The following EPHB2 variants were observed in gnomAD, a reference collection of about 807,000 sequenced individuals.
EPHB2 encodes ephrin type-B receptor 2.
A neutral mutation model predicts 96.4 loss-of-function variants in EPHB2; 18 were observed. That is an observed-to-expected ratio of 0.19 (90% CI 0.13 to 0.28). The LOEUF (loss-of-function observed/expected upper bound fraction) is 0.28. EPHB2 is among the 10% of genes least tolerant of loss of function. The pLI is 1.00. For synonymous variants in EPHB2, 506 were observed against 534.1 expected (o/e 0.95, Z 0.72); for missense variants, 989 against 1,355.4 (o/e 0.73, Z 4.25).
chr1:22,912,143 G>A (rs1023674620), intron 14 of EPHB2, among the ~76,000 whole-genome samples: 3 of 152,064 alleles, frequency 2.0e-5, no homozygotes, highest in Non-Finnish European at 2.9e-5. Flanking sequence ...CCTCACTTCC[G>A]AGGTCCAGCC....
intron 1 of EPHB2, among the ~76,000 whole-genome samples, chr1:22,738,494 G>T (rs1475002809): frequency 6.6e-6 from 1 of 152,186 alleles, no homozygotes; most frequent in African/African-American, 2.4e-5. Context: ...CCACATTGCA[G>T]ATGAGAAAAC....
chr1:22,770,286 C>T lies in EPHB2; in HGVS notation c.62-11135C>T, dbSNP rs112585834. 1.8e-3 allele frequency among the ~76,000 whole-genome samples: 267 copies of T among 152,082 alleles called. 3 individuals carry two copies. The highest frequency in any genetic ancestry group is 6.0e-3 in the African/African-American group (248 of 41,480). On this transcript the variant is annotated intron_variant, in intron 1 of 15. Transcript: ENST00000374630. ...TTGGAAAGATAGATGGATGAGTGGG[C>T]GTATGGGTCAATGGGTGAATGAATA... is the stretch of plus-strand genomic sequence containing the variant.
intron 1 of EPHB2, among the ~76,000 whole-genome samples, chr1:22,777,800 G>T (rs922081032): frequency 6.6e-5 from 10 of 152,190 alleles, no homozygotes; most frequent in Non-Finnish European, 1.0e-4. Flanking sequence ...GGGGCACCTA[G>T]TAAGCCCAAA....
chr1:22,912,329 C>T lies in EPHB2; in HGVS notation c.2697-115C>T, dbSNP rs1640130279. The T allele has an allele frequency of 5.5e-6, 8 of 1,462,588 alleles. No individual in the cohort carries two copies. In the East Asian group the frequency reaches 1.8e-4, roughly 33 times the overall value. 90.6% of individuals were successfully genotyped at this position (1,462,588 alleles called of 1,614,324 possible). ...ACGTACATACCCCTTCACCTGTGTTCACATAAATGGATGCACACGTGCACA... is the reference window on the plus strand; with the variant it reads ...ACGTACATACCCCTTCACCTGTGTTTACATAAATGGATGCACACGTGCACA... On this transcript the variant is annotated intron_variant, in intron 14 of 15. Transcript: ENST00000374630.
At chr1:22,735,786 G>A (rs1248276775) in intron 1 of EPHB2, among the ~76,000 whole-genome samples, 1 of 152,288 alleles carries the variant, frequency 6.6e-6, no homozygotes, top group South Asian at 2.1e-4. Context: ...ATTCCTATAG[G>A]GCACTTGGGA....
chr1:22,782,054 G>A (rs1384062235), intron 2 of EPHB2, among the ~76,000 whole-genome samples: 3 of 152,210 alleles, frequency 2.0e-5, no homozygotes, highest in Admixed American at 1.3e-4. Flanking sequence ...TCATCCTAGG[G>A]TCTATGCTGT....
At chr1:22,716,167 C>G (rs1276352515) in intron 1 of EPHB2, among the ~76,000 whole-genome samples, 2 of 152,194 alleles carry the variant, frequency 1.3e-5, no homozygotes, top group East Asian at 3.9e-4. Flanking sequence ...TACTCAGATT[C>G]CTAGTCCAGA....
intron 1 of EPHB2, among the ~76,000 whole-genome samples, chr1:22,775,497 GGATCGGA>G (rs1228235539): frequency 6.6e-6 from 1 of 152,256 alleles, no homozygotes; most frequent in Non-Finnish European, 1.5e-5. Flanking sequence ...GGCTAGGGGT[GGATCGGA>G]GAATAGGGAG....
At chr1:22,787,771 T>C (rs1644633363) in intron 3 of EPHB2, among the ~76,000 whole-genome samples, 1 of 152,156 alleles carries the variant, frequency 6.6e-6, no homozygotes, top group African/African-American at 2.4e-5. Context: ...CATTATCTCA[T>C]AGTTTCTGAG....
intron 1 of EPHB2, among the ~76,000 whole-genome samples, chr1:22,745,293 A>G (rs1386581374): frequency 6.6e-6 from 1 of 152,254 alleles, no homozygotes; most frequent in African/African-American, 2.4e-5. Context: ...AACACGCAGC[A>G]TCATGGATAA....
intron 3 of EPHB2, among the ~76,000 whole-genome samples, chr1:22,798,268 G>A (rs1644794998): frequency 6.6e-6 from 1 of 152,148 alleles, no homozygotes; most frequent in Admixed American, 6.5e-5. Context: ...AGAGGCTGGG[G>A]TTCTTCCTGC....
chr1:22,719,026 A>C (rs1460779740), intron 1 of EPHB2, among the ~76,000 whole-genome samples: 1 of 152,220 alleles, frequency 6.6e-6, no homozygotes, highest in African/African-American at 2.4e-5. Context: ...AGGGTTCTAC[A>C]ACTCACAAAC....
chr1:22,815,260 TG>T (rs1032374602), intron 3 of EPHB2, among the ~76,000 whole-genome samples: 1 of 150,506 alleles, frequency 6.6e-6, no homozygotes, highest in Non-Finnish European at 1.5e-5. Context: ...AGATGGAAGG[TG>T]GGGGGTGGTT....
chr1:22,910,663 C>T, intron 14 of EPHB2, 88 bp downstream of exon 14: 6 of 1,503,728 alleles, frequency 4.0e-6, no homozygotes, highest in Non-Finnish European at 4.6e-6. Context: ...GGCAAATGCT[C>T]TTCCTTACTG....
intron 3 of EPHB2, among the ~76,000 whole-genome samples, chr1:22,832,425 C>T (rs1421088135): frequency 1.3e-5 from 2 of 152,178 alleles, no homozygotes; most frequent in Non-Finnish European, 2.9e-5. Flanking sequence ...CACATTCATC[C>T]TTTTTCTCCT....
chr1:22,748,901 A>G (rs1644017401), intron 1 of EPHB2, among the ~76,000 whole-genome samples: 3 of 149,304 alleles, frequency 2.0e-5, no homozygotes, highest in Non-Finnish European at 4.5e-5. Flanking sequence ...TTTTGCACCA[A>G]CCTAGTAGAA....
intron 7 of EPHB2, 63 bp from the exon 8 acceptor site, chr1:22,895,409 G>T (rs998286350): frequency 1.3e-6 from 2 of 1,505,652 alleles, no homozygotes; most frequent in African/African-American, 2.8e-5. Flanking sequence ...CAGGGGGTAG[G>T]GGACAAGGGT....
At chr1:22,883,960 T>A (rs1639134559) in intron 6 of EPHB2, among the ~76,000 whole-genome samples, 1 of 152,126 alleles carries the variant, frequency 6.6e-6, no homozygotes, top group Non-Finnish European at 1.5e-5. Flanking sequence ...TGGGACTTCA[T>A]GCCTGCCGTC....
chr1:22,761,797 C>T (rs983108019), intron 1 of EPHB2, among the ~76,000 whole-genome samples: 22 of 152,148 alleles, frequency 1.4e-4, no homozygotes, highest in African/African-American at 5.1e-4. Context: ...TGCAGTCTGC[C>T]AGGGGCTTTC....
Sources: gnomAD v4.1 joint callset for allele counts (sites outside exome capture counted in the v4.1 genomes callset) on GRCh38, gnomAD v4.1.1 for gene constraint, MANE v1.5 for transcripts, NCBI Gene and HGNC (gene_info 2026-07-23, HGNC 2026-07-21) for gene names.